Variants in TMEM135 observed in about 807,000 individuals in gnomAD.
The protein encoded by TMEM135 is peroxisomal membrane protein 52.
In TMEM135, 30 loss-of-function variants were observed where a neutral mutation model predicts 60.3. That is an observed-to-expected ratio of 0.50 (90% CI 0.37 to 0.68). The LOEUF is 0.68. Among genes scored for constraint, TMEM135 ranks in the 30% least tolerant of loss-of-function variants. The pLI is 0.00. For missense variants in TMEM135, 468 were observed against 548.8 expected, an observed-to-expected ratio of 0.85 and a Z score of 1.47; for synonymous variants, 190 against 186.7, an observed-to-expected ratio of 1.02 and a Z score of -0.14.
intron 5 of TMEM135, among the ~76,000 whole-genome samples, chr11:87,228,635 C>G (rs59124469): frequency 0.021 from 3,185 of 152,154 alleles, 128 homozygotes; most frequent in African/African-American, 0.073. Flanking sequence ...TGGAGATACT[C>G]AAGAAGGAAT....
At chr11:87,204,548 G>C (rs1940193259) in intron 5 of TMEM135, among the ~76,000 whole-genome samples, 1 of 152,066 alleles carries the variant, frequency 6.6e-6, no homozygotes. Context: ...AGCATAAACA[G>C]TCAATTAATG....
At chr11:87,081,996 A>C (rs1857002396) in intron 3 of TMEM135, among the ~76,000 whole-genome samples, 1 of 152,194 alleles carries the variant, frequency 6.6e-6, no homozygotes, top group African/African-American at 2.4e-5. Context: ...TAGGTGATGC[A>C]GTTAACAATA....
At chr11:87,248,018 TTTAA>T (rs1941327559) in intron 6 of TMEM135, among the ~76,000 whole-genome samples, 1 of 39,492 alleles carries the variant, frequency 2.5e-5, no homozygotes, top group Non-Finnish European at 6.7e-5. Flanking sequence ...TGATAGCCTT[TTTAA>T]AAAAAAAAAA....
At chr11:87,168,934 T>A (rs567403131) in intron 5 of TMEM135, among the ~76,000 whole-genome samples, 1 of 152,284 alleles carries the variant, frequency 6.6e-6, no homozygotes, top group African/African-American at 2.4e-5. Context: ...TGTGGGAGTC[T>A]AAGTCTCTTT....
At chr11:87,283,504 T>C (rs1376759102) in intron 6 of TMEM135, among the ~76,000 whole-genome samples, 1 of 152,258 alleles carries the variant, frequency 6.6e-6, no homozygotes, top group Non-Finnish European at 1.5e-5. Context: ...CTCATTTTGT[T>C]CAATATGAAA....
At chr11:87,314,867 A>G (rs756210574) in intron 12 of TMEM135, among the ~76,000 whole-genome samples, 1 of 151,842 alleles carries the variant, frequency 6.6e-6, no homozygotes, top group South Asian at 2.1e-4. Flanking sequence ...CCCAGACACT[A>G]TATAATTTCA....
At chr11:87,254,444 T>G (rs902216605) in intron 6 of TMEM135, among the ~76,000 whole-genome samples, 3 of 152,192 alleles carry the variant, frequency 2.0e-5, no homozygotes, top group African/African-American at 7.2e-5. Flanking sequence ...TGGCCTTCAA[T>G]AAGATACTTG....
chr11:87,095,952 G>T, intron 4 of TMEM135: 1 of 162,100 alleles, frequency 6.2e-6, no homozygotes, highest in East Asian at 1.9e-4. Context: ...CTCCAGCCTG[G>T]GCAACAGAGT....
chr11:87,262,080 C>CA (rs1284056463), intron 6 of TMEM135, among the ~76,000 whole-genome samples: 9 of 151,690 alleles, frequency 5.9e-5, no homozygotes, highest in East Asian at 1.9e-4. Flanking sequence ...TTAGGGGCTG[C>CA]AAAAAAAATC....
intron 5 of TMEM135, among the ~76,000 whole-genome samples, chr11:87,168,752 T>C (rs931134842): frequency 3.3e-5 from 5 of 152,132 alleles, no homozygotes; most frequent in Non-Finnish European, 7.4e-5. Context: ...GAAGAAGTTC[T>C]ATGTGGTGCT....
intron 5 of TMEM135, among the ~76,000 whole-genome samples, chr11:87,231,688 G>A (rs943235824): frequency 6.6e-6 from 1 of 152,080 alleles, no homozygotes; most frequent in Non-Finnish European, 1.5e-5. Flanking sequence ...AATGCCAAAT[G>A]AGAACTTATA....
chr11:87,142,443 A>T (rs1938288993), intron 4 of TMEM135, among the ~76,000 whole-genome samples: 1 of 152,130 alleles, frequency 6.6e-6, no homozygotes, highest in African/African-American at 2.4e-5. Context: ...TATCTCAATT[A>T]TTATTTCATT....
Position 87,247,207 on chromosome 11 carries a change from C to T in TMEM135, c.509+10523C>T, listed in dbSNP as rs527788379. On this transcript the variant is annotated intron_variant, in intron 6 of 14. Coordinates refer to ENST00000305494, the MANE Select transcript of TMEM135 (RefSeq NM_022918.4). Reference sequence around the variant, plus strand: ...TGAATGCTGATGTCTGATCGTTCCTCTGGAAGTTTTGTCTCAGAGGAGTAC... The same window carrying T: ...TGAATGCTGATGTCTGATCGTTCCTTTGGAAGTTTTGTCTCAGAGGAGTAC... Among the ~76,000 whole-genome samples, 7 of 152,242 alleles carry T rather than the reference C, an allele frequency of 4.6e-5. No individual in the cohort carries two copies. The South Asian group carries it at 1.5e-3, about 32-fold the overall frequency.
chr11:87,097,450 C>G (rs1857355722), intron 4 of TMEM135, among the ~76,000 whole-genome samples: 1 of 152,142 alleles, frequency 6.6e-6, no homozygotes, highest in Non-Finnish European at 1.5e-5. Context: ...TAGTGCTGTT[C>G]ATCACAAGGT....
chr11:87,223,876 C>A (rs901571696), intron 5 of TMEM135, among the ~76,000 whole-genome samples: 46 of 143,904 alleles, frequency 3.2e-4, no homozygotes, highest in Admixed American at 2.2e-3. Flanking sequence ...AAAGAAAAAA[C>A]CCCCAAAACA....
chr11:87,063,598 T>C lies in TMEM135; in HGVS notation c.142-4096T>C, dbSNP rs7938301. Among the ~76,000 whole-genome samples the C allele has an allele frequency of 8.5e-3, 1,295 of 152,324 alleles. 24 individuals carry two copies. The highest frequency in any genetic ancestry group is 0.03 in the African/African-American group (1,232 of 41,566). ...TGGTTTACATAGAAAATGATAAAAATACGTGGCACACTGGGGAAAACAGAG... is the reference window on the plus strand; with the variant it reads ...TGGTTTACATAGAAAATGATAAAAACACGTGGCACACTGGGGAAAACAGAG... On this transcript the variant is annotated intron_variant, in intron 1 of 14. Coordinates refer to ENST00000305494, the MANE Select transcript of TMEM135 (RefSeq NM_022918.4).
intron 5 of TMEM135, among the ~76,000 whole-genome samples, chr11:87,208,802 A>C (rs1591105177): frequency 6.6e-6 from 1 of 152,312 alleles, no homozygotes; most frequent in East Asian, 1.9e-4. Flanking sequence ...AAAAATCTTA[A>C]AGGCTGCTAG....
intron 1 of TMEM135, among the ~76,000 whole-genome samples, chr11:87,047,540 A>T (rs1285851797): frequency 6.9e-6 from 1 of 145,294 alleles, no homozygotes; most frequent in Non-Finnish European, 1.5e-5. Flanking sequence ...TTTCCGAGTC[A>T]AAGAAAGGGG....
At chr11:87,043,358 T>A (rs1032947587) in intron 1 of TMEM135, among the ~76,000 whole-genome samples, 2 of 152,120 alleles carry the variant, frequency 1.3e-5, no homozygotes, top group Non-Finnish European at 2.9e-5. Flanking sequence ...TATATTGTAT[T>A]TCTTGAATGT....
Sources: allele counts gnomAD v4.1 joint callset (sites outside exome capture counted in the v4.1 genomes callset), GRCh38; gene constraint gnomAD v4.1.1; transcripts MANE v1.5; gene names NCBI Gene and HGNC (gene_info 2026-07-23, HGNC 2026-07-21).